Variants in ZFYVE19 observed in about 807,000 individuals in gnomAD.
ZFYVE19 encodes the protein zinc finger FYVE-type containing 19, also known as abscission/NoCut checkpoint regulator.
Under a neutral mutation model 62.8 loss-of-function variants are expected in ZFYVE19, and 49 were observed. That is an observed-to-expected ratio of 0.78 (90% CI 0.62 to 0.99). The LOEUF (loss-of-function observed/expected upper bound fraction) is 0.99, where lower values mean the gene tolerates loss of function less well. ZFYVE19 is among the 50% of genes least tolerant of loss of function. ZFYVE19 has a pLI of 0.00. For synonymous variants in ZFYVE19, 242 were observed against 234.3 expected, an observed-to-expected ratio of 1.03 and a Z score of -0.30; for missense variants, 630 against 601.9, an observed-to-expected ratio of 1.05 and a Z score of -0.49.
chr15:40,812,739 G>A lies in ZFYVE19; in HGVS notation c.867G>A (p.Gly289=). 6.2e-7 allele frequency: 1 copy of A among 1,611,112 alleles called. No homozygotes were observed. ...ATGATCTCAACCAGGGTGGCCCAGG[G>A]AGCACTAATTCCAAGAGGCAGGCCA... ...LQNDLNQGGP[G]STNSKRQANW... is the part of the protein sequence containing the mutation. Residue 289 remains glycine (G), a synonymous_variant, in exon 7 of 11, where the codon GGG becomes GGA. Coordinates refer to ENST00000355341, the MANE Select transcript of ZFYVE19 (RefSeq NM_001077268.2).
intron 1 of ZFYVE19, chr15:40,808,113 C>A: frequency 7.5e-7 from 1 of 1,336,170 alleles, no homozygotes; most frequent in Non-Finnish European, 1.1e-6. Context: ...GCGCTGCCGT[C>A]GTTTTTGCAA....
At position 40,814,732 on chromosome 15, in the gene ZFYVE19, G is replaced by A. The variant is rs1012326474; in HGVS notation, c.*506G>A. 11 of 173,958 alleles carry A rather than the reference G, an allele frequency of 6.3e-5. No individual in the cohort carries two copies. Among genetic ancestry groups the A allele is most frequent in the African/African-American group, 7.2e-5 (3 of 41,790 alleles). The allele number at this position is 173,958 out of a possible 1,614,324, so 10.8% of individuals were successfully genotyped here. On this transcript the variant is annotated 3_prime_UTR_variant, in exon 11 of 11. Coordinates refer to ENST00000355341, the MANE Select transcript of ZFYVE19 (RefSeq NM_001077268.2). The stretch of plus-strand genomic sequence containing the variant: ...CCTACCCATCCTGGTGGCCTCATAC[G>A]AAGTAAACATGTATTCATTCAACTC...
At chr15:40,810,035 C>G (rs1176767191) in intron 4 of ZFYVE19, 36 bp from the exon 5 acceptor site, 2 of 1,614,194 alleles carry the variant, frequency 1.2e-6, no homozygotes, top group Non-Finnish European at 1.7e-6. Context: ...TGAGATGCCT[C>G]TGGCCCTTAC....
At chr15:40,808,719 T>A in intron 1 of ZFYVE19, 1 of 304,280 alleles carries the variant, frequency 3.3e-6, no homozygotes, top group Non-Finnish European at 6.2e-6. Context: ...AAATGGAGGC[T>A]ATTGTTAGCC....
In ZFYVE19 at chr15:40,810,549, C is replaced by G; in HGVS notation, c.718-100C>G. The G allele has an allele frequency of 4.0e-6, 6 of 1,498,534 alleles. No individual in the cohort carries two copies. The Admixed American group carries it at 1.1e-4, about 28-fold the overall frequency. 92.8% of individuals were successfully genotyped at this position (1,498,534 alleles called of 1,614,324 possible). A position where few individuals can be genotyped will look rare whatever the true frequency, so the allele number is the denominator to read the frequency against. ...TTGATTATGTGGGCCCTGGATCCCT[C>G]TCCTTTCCCTGGGCTTTGAGAACTA... On this transcript the variant is annotated intron_variant, in intron 5 of 10. Coordinates refer to ENST00000355341, the MANE Select transcript of ZFYVE19 (RefSeq NM_001077268.2).
At chr15:40,812,557 A>AG (rs1330336172) in intron 6 of ZFYVE19, 142 bp from the exon 7 acceptor site, 162 of 464,328 alleles carry the variant, frequency 3.5e-4, no homozygotes, top group East Asian at 1.4e-3. Flanking sequence ...AAAAAAAAAA[A>AG]AAAGAAAGAA....
chr15:40,810,705 G>T lies in ZFYVE19; in HGVS notation c.774G>T (p.Thr258=). 1 of 1,575,132 alleles carries T rather than the reference G, an allele frequency of 6.3e-7. No homozygotes were observed. Among genetic ancestry groups the T allele is most frequent in the Non-Finnish European group, 8.6e-7 (1 of 1,160,110 alleles). Residue 258 remains threonine, a synonymous_variant, in exon 6 of 11, where the codon ACG becomes ACT. Transcript: ENST00000355341. The part of the protein sequence containing the change: ...TQAQQTQDLL[T]QLAAEVAIDE... ...CCCAGCAGACACAGGATCTGCTAAC[G>T]CAGCTGGCAGCTGAGGTGGCTATCG...
intron 6 of ZFYVE19, among the ~76,000 whole-genome samples, chr15:40,812,417 G>A (rs1199030594): frequency 2.0e-5 from 3 of 151,804 alleles, no homozygotes; most frequent in South Asian, 2.1e-4. Context: ...ATGGTGTCAC[G>A]TGCCTGTAAT....
Position 40,809,237 on chromosome 15 carries a change from C to G in ZFYVE19, c.398C>G (p.Thr133Ser), listed in dbSNP as rs754561142. 1.2e-6 allele frequency: 2 copies of G among 1,614,120 alleles called. No homozygotes were observed. Among genetic ancestry groups the G allele is most frequent in the South Asian group, 2.2e-5 (2 of 91,072 alleles). Reference sequence around the variant, plus strand: ...TGCAAGCAATGCCATGAGGTCCTGACCAGGTAAGAGGCAGGCATGGGTGAA... The same window carrying G: ...TGCAAGCAATGCCATGAGGTCCTGAGCAGGTAAGAGGCAGGCATGGGTGAA... ...KVCKQCHEVL[T>S]RGSSANASKW... Residue 133 changes from threonine (T) to serine (S), a missense_variant, in exon 2 of 11, where the codon ACC becomes AGC. Physicochemically the swap from Thr to Ser is moderately conservative, Grantham distance 58. Coordinates refer to ENST00000355341, the MANE Select transcript of ZFYVE19 (RefSeq NM_001077268.2).
chr15:40,809,100 C>T lies in ZFYVE19; in HGVS notation c.280-19C>T, dbSNP rs374936603. The T allele has an allele frequency of 9.9e-6, 16 of 1,611,684 alleles. No individual in the cohort carries two copies. Among genetic ancestry groups the T allele is most frequent in the Middle Eastern group, 3.3e-4 (2 of 6,074 alleles). ...AGGGGCGGGTGAGAGGGGGATCTCC[C>T]GCTTCATGTTTCTTGTAGTACGGCT... On this transcript the variant is annotated intron_variant, in intron 1 of 10. Transcript: ENST00000355341.
Position 40,814,325 on chromosome 15 carries a change from A to C in ZFYVE19, c.*99A>C. On this transcript the variant is annotated 3_prime_UTR_variant, in exon 11 of 11. Coordinates refer to ENST00000355341, the MANE Select transcript of ZFYVE19 (RefSeq NM_001077268.2). ...CCGATGGGAGAGCTTGTCTGGCTCTACTGATGATGGATAGGCCCCTTCCTG... is the reference window on the plus strand; with the variant it reads ...CCGATGGGAGAGCTTGTCTGGCTCTCCTGATGATGGATAGGCCCCTTCCTG... The C allele has an allele frequency of 7.4e-7, 1 of 1,344,100 alleles. No homozygotes were observed. The highest frequency in any genetic ancestry group is 1.2e-5 in the South Asian group (1 of 81,180). 83.3% of individuals were successfully genotyped at this position (1,344,100 alleles called of 1,614,324 possible).
At chr15:40,808,412 G>A (rs746579661) in intron 1 of ZFYVE19, 1 of 1,592,460 alleles carries the variant, frequency 6.3e-7, no homozygotes, top group South Asian at 1.1e-5. Context: ...CAGGGATTCT[G>A]ACCAGGAGAT....
Position 40,814,296 on chromosome 15 carries a change from A to AC in ZFYVE19, c.*71dup, listed in dbSNP as rs1246492108. ...ACCCATTTCTGGGCCCAGCCACAGGACGTCCGATGGGAGAGCTTGTCTGGC... is the reference window on the plus strand; with the variant it reads ...ACCCATTTCTGGGCCCAGCCACAGGACCGTCCGATGGGAGAGCTTGTCTGGC... On this transcript the variant is annotated 3_prime_UTR_variant, in exon 11 of 11. Coordinates refer to ENST00000355341, the MANE Select transcript of ZFYVE19 (RefSeq NM_001077268.2). The AC allele has an allele frequency of 1.3e-6, 2 of 1,563,352 alleles. No individual in the cohort carries two copies. The highest frequency in any genetic ancestry group is 1.7e-6 in the Non-Finnish European group (2 of 1,145,190).
chr15:40,810,064 A>C lies in ZFYVE19; in HGVS notation c.572-7A>C, dbSNP rs149656393. 2.5e-6 allele frequency: 4 copies of C among 1,614,148 alleles called. No individual in the cohort carries two copies. Among genetic ancestry groups the C allele is most frequent in the Middle Eastern group, 1.6e-4 (1 of 6,062 alleles). The stretch of plus-strand genomic sequence containing the variant: ...CCCTTACAAGGCTCCCCCCATGCCA[A>C]TTGCAGAGTTAGTCCCCTCACAGGC... On this transcript the variant is annotated splice_polypyrimidine_tract_variant and splice_region_variant and intron_variant, in intron 4 of 10. Coordinates refer to ENST00000355341, the MANE Select transcript of ZFYVE19 (RefSeq NM_001077268.2).
chr15:40,814,755 C>T lies in ZFYVE19; in HGVS notation c.*529C>T, dbSNP rs1169744981. The T allele has an allele frequency of 6.0e-6, 1 of 165,346 alleles. No individual in the cohort carries two copies. The highest frequency in any genetic ancestry group is 1.3e-5 in the Non-Finnish European group (1 of 75,352). 10.2% of individuals were successfully genotyped at this position (165,346 alleles called of 1,614,324 possible). ...ACGAAGTAAACATGTATTCATTCAA[C>T]TCAACTGTGCTCCAGCTCTGGGCAG... On this transcript the variant is annotated 3_prime_UTR_variant, in exon 11 of 11. Coordinates refer to ENST00000355341, the MANE Select transcript of ZFYVE19 (RefSeq NM_001077268.2).
chr15:40,810,108 G>A lies in ZFYVE19; in HGVS notation c.609G>A (p.Leu203=). ...VPSQAEIEAR[L]AALKDERQGS... Reference sequence around the variant, plus strand: ...CACAGGCAGAGATAGAGGCACGGCTGGCTGCCCTAAAGGATGAACGTCAGG... The same window carrying A: ...CACAGGCAGAGATAGAGGCACGGCTAGCTGCCCTAAAGGATGAACGTCAGG... The change falls in exon 5 of 11, where the codon CTG becomes CTA. Residue 203 remains leucine (L), a synonymous_variant. Coordinates refer to ENST00000355341, the MANE Select transcript of ZFYVE19 (RefSeq NM_001077268.2). The A allele has an allele frequency of 6.2e-7, 1 of 1,614,174 alleles. No homozygotes were observed. The highest frequency in any genetic ancestry group is 1.1e-5 in the South Asian group (1 of 91,082).
At chr15:40,810,895 C>G in intron 6 of ZFYVE19, 138 bp downstream of exon 6, 1 of 1,172,526 alleles carries the variant, frequency 8.5e-7, no homozygotes, top group African/African-American at 1.5e-5. Flanking sequence ...TCATTGAGTG[C>G]TTACTCCAAA....
At position 40,807,168 on chromosome 15, in the gene ZFYVE19, C is replaced by T; in HGVS notation, c.-422C>T. Reference sequence around the variant, plus strand: ...ACAGCCACCCGGCGCGAAGAGCCCTCTGTACCCCGCTTCCTCTTGAGGCCC... The same window carrying T: ...ACAGCCACCCGGCGCGAAGAGCCCTTTGTACCCCGCTTCCTCTTGAGGCCC... On this transcript the variant is annotated 5_prime_UTR_variant, in exon 1 of 11. Transcript: ENST00000355341. 7.4e-7 allele frequency: 1 copy of T among 1,355,780 alleles called. No individual in the cohort carries two copies. Among genetic ancestry groups the T allele is most frequent in the Non-Finnish European group, 9.9e-7 (1 of 1,013,418 alleles). The allele number at this position is 1,355,780 out of a possible 1,614,324, so 84.0% of individuals were successfully genotyped here.
chr15:40,807,698 G>A lies in ZFYVE19; in HGVS notation c.109G>A (p.Val37Met), dbSNP rs1270943032. The change falls in exon 1 of 11, where the codon GTG becomes ATG. Residue 37 changes from valine to methionine, a missense_variant. Transcript: ENST00000355341. ...TCGCGGCGGGACAGTGCCAGTGGGC[G>A]TGTGGGGCGGGGCAGGGCAGGGAAG... ...LGRGGTVPVG[V>M]WGGAGQGREG... is the part of the protein sequence containing the mutation. 2 of 1,597,214 alleles carry A rather than the reference G, an allele frequency of 1.3e-6. No individual in the cohort carries two copies. Among genetic ancestry groups the A allele is most frequent in the Non-Finnish European group, 1.7e-6 (2 of 1,173,708 alleles).
Sources: allele counts gnomAD v4.1 joint callset (sites outside exome capture counted in the v4.1 genomes callset), GRCh38; gene constraint gnomAD v4.1.1; transcripts MANE v1.5; gene names NCBI Gene and HGNC (gene_info 2026-07-23, HGNC 2026-07-21).